Variants in DPF3 observed in about 807,000 individuals in gnomAD.
The protein encoded by DPF3 is zinc finger protein DPF3.
In DPF3, 18 loss-of-function variants were observed where a neutral mutation model predicts 56.8. That is an observed-to-expected ratio of 0.32 (90% CI 0.22 to 0.47). DPF3 has a LOEUF of 0.47. DPF3 is among the 20% of genes least tolerant of loss of function. The probability of loss-of-function intolerance (pLI) is 1.00; values close to 1 mark genes in which losing one functional copy is unlikely to be tolerated. For missense variants in DPF3, 403 were observed against 488.8 expected, an observed-to-expected ratio of 0.82 and a Z score of 1.65; for synonymous variants, 188 against 180.2, an observed-to-expected ratio of 1.04 and a Z score of -0.35.
At chr14:72,698,703 T>C (rs1475773082) in intron 6 of DPF3, among the ~76,000 whole-genome samples, 2 of 152,074 alleles carry the variant, frequency 1.3e-5, no homozygotes, top group African/African-American at 4.8e-5. Flanking sequence ...AAAAGTAGGC[T>C]AGGCTACACT....
intron 5 of DPF3, among the ~76,000 whole-genome samples, chr14:72,717,241 G>A (rs139186874): frequency 1.3e-4 from 20 of 152,294 alleles, no homozygotes; most frequent in Admixed American, 3.3e-4. Context: ...AAGAGCATCC[G>A]CTTAAAGTCA....
chr14:72,662,371 A>T lies in DPF3; in HGVS notation c.871+11869T>A. ...TTCATGTCTTCACAAAATTGCGCTT[A>T]ACTTTTGAAGTAGGAGGTACTTTAA... is the stretch of plus-strand genomic sequence containing the variant. On this transcript the variant is annotated intron_variant, in intron 8 of 10. Coordinates refer to ENST00000556509, the MANE Select transcript of DPF3 (RefSeq NM_001280542.3). 3 of 985,208 alleles carry T rather than the reference A, an allele frequency of 3.0e-6. No individual in the cohort carries two copies. The South Asian group carries it at 1.4e-4, about 46-fold the overall frequency. The allele number at this position is 985,208 out of a possible 1,614,324, so 61.0% of individuals were successfully genotyped here.
intron 1 of DPF3, among the ~76,000 whole-genome samples, chr14:72,819,035 C>T (rs539950616): frequency 6.6e-6 from 1 of 152,222 alleles, no homozygotes; most frequent in East Asian, 1.9e-4. Context: ...AGGCAAACAA[C>T]ACAACAAAAG....
chr14:72,672,590 C>T (rs1886736309), intron 8 of DPF3, among the ~76,000 whole-genome samples: 1 of 152,140 alleles, frequency 6.6e-6, no homozygotes, highest in East Asian at 1.9e-4. Context: ...TAGAAAATGG[C>T]TCCCTGAGCC....
intron 1 of DPF3, among the ~76,000 whole-genome samples, chr14:72,890,955 C>T (rs1886727820): frequency 6.6e-6 from 1 of 151,768 alleles, no homozygotes; most frequent in Non-Finnish European, 1.5e-5. Flanking sequence ...AAGGGTACAA[C>T]AAGGAAGAAA....
chr14:72,822,430 T>TAAAA (rs766485752), intron 1 of DPF3, among the ~76,000 whole-genome samples: 1 of 151,994 alleles, frequency 6.6e-6, no homozygotes, highest in Admixed American at 6.6e-5. Context: ...GTTAAAAAAT[T>TAAAA]TTTAAAGGTG....
chr14:72,706,378 G>T (rs1053358650), intron 6 of DPF3, among the ~76,000 whole-genome samples: 3 of 152,212 alleles, frequency 2.0e-5, no homozygotes, highest in Non-Finnish European at 4.4e-5. Context: ...CGCCCCGGCA[G>T]TGTGCTATCT....
chr14:72,747,081 G>A (rs1320641236), intron 3 of DPF3, among the ~76,000 whole-genome samples: 1 of 152,176 alleles, frequency 6.6e-6, no homozygotes, highest in African/African-American at 2.4e-5. Flanking sequence ...ACCAACATGG[G>A]CTCCTCAGAT....
intron 1 of DPF3, among the ~76,000 whole-genome samples, chr14:72,800,386 ATGGATGGATG>A (rs1567236951): frequency 1.3e-4 from 20 of 151,686 alleles, no homozygotes; most frequent in East Asian, 9.7e-4. Flanking sequence ...AAATGGATGG[ATGGATGGATG>A]GATGGATGGA....
At chr14:72,756,869 A>AAAGAAAGAAAGAAAGAAAGAAAGAAAGG in intron 2 of DPF3, among the ~76,000 whole-genome samples, 1 of 95,688 alleles carries the variant, frequency 1.0e-5, no homozygotes, top group East Asian at 3.0e-4. Flanking sequence ...AGAAAGAAAG[A>AAAGAAAGAAAGAAAGAAAGAAAGAAAGG]AAGGAAGGAA....
intron 1 of DPF3, among the ~76,000 whole-genome samples, chr14:72,785,031 A>C (rs764575431): frequency 4.6e-5 from 7 of 152,168 alleles, no homozygotes; most frequent in Non-Finnish European, 7.4e-5. Flanking sequence ...CATGCCTGGA[A>C]TCCCAGCACT....
intron 1 of DPF3, among the ~76,000 whole-genome samples, chr14:72,794,215 G>A (rs1056359764): frequency 1.9e-4 from 29 of 152,186 alleles, no homozygotes; most frequent in African/African-American, 7.0e-4. Flanking sequence ...AAGAACAAAT[G>A]AGGTGACCTC....
chr14:72,754,335 A>T (rs1890702977), intron 2 of DPF3, among the ~76,000 whole-genome samples: 1 of 152,186 alleles, frequency 6.6e-6, no homozygotes. Flanking sequence ...GATACCCCCC[A>T]TAATAAACCA....
chr14:72,742,645 CA>C (rs1192178559), intron 3 of DPF3: 2 of 152,304 alleles, frequency 1.3e-5, no homozygotes. Flanking sequence ...TCGCAGGAGC[CA>C]GGGGCACTGT....
chr14:72,749,435 G>T (rs1890464937), intron 3 of DPF3, among the ~76,000 whole-genome samples: 1 of 152,236 alleles, frequency 6.6e-6, no homozygotes, highest in African/African-American at 2.4e-5. Flanking sequence ...GACTTGCCTT[G>T]TCTTGGATGA....
At chr14:72,707,326 C>A (rs1354735280) in intron 6 of DPF3, among the ~76,000 whole-genome samples, 1 of 152,112 alleles carries the variant, frequency 6.6e-6, no homozygotes, top group East Asian at 1.9e-4. Context: ...ATTTATAGTC[C>A]TTTGGGTATA....
intron 1 of DPF3, among the ~76,000 whole-genome samples, chr14:72,849,693 A>C (rs1038094445): frequency 2.0e-5 from 3 of 152,212 alleles, no homozygotes; most frequent in Admixed American, 1.3e-4. Context: ...CAAAGCAGTC[A>C]GGAGCTAGGC....
At chr14:72,692,073 C>A (rs1370248997) in intron 7 of DPF3, among the ~76,000 whole-genome samples, 1 of 152,162 alleles carries the variant, frequency 6.6e-6, no homozygotes, top group Admixed American at 6.5e-5. Context: ...TATTTCAAAT[C>A]TTTGGTGAAA....
At position 72,659,713 on chromosome 14, in the gene DPF3, G is replaced by A. The variant is rs575934374; in HGVS notation, c.871+14527C>T. On this transcript the variant is annotated intron_variant, in intron 8 of 10. Transcript: ENST00000556509. The stretch of plus-strand genomic sequence containing the variant: ...TGGAAGAAGATATTTTATTCCTTAG[G>A]TGACTTCTTAATTGAACCTAATGTC... Among the ~76,000 whole-genome samples, 3 of 152,284 alleles carry A rather than the reference G, an allele frequency of 2.0e-5. No homozygotes were observed. The South Asian group carries it at 6.2e-4, about 32-fold the overall frequency.
Sources: allele counts gnomAD v4.1 joint callset (sites outside exome capture counted in the v4.1 genomes callset), GRCh38; gene constraint gnomAD v4.1.1; transcripts MANE v1.5; gene names NCBI Gene and HGNC (gene_info 2026-07-23, HGNC 2026-07-21).